Variants in MCM8 observed in about 807,000 individuals in gnomAD.
MCM8 encodes the protein DNA helicase MCM8.
A neutral mutation model predicts 98.9 loss-of-function variants in MCM8; 85 were observed. The ratio of observed to expected loss-of-function variants is 0.86; its 90% confidence interval spans 0.72 to 1.03. The LOEUF (loss-of-function observed/expected upper bound fraction) is 1.03. Ranked by LOEUF, MCM8 falls within the 50% of genes least tolerant of loss-of-function variation. MCM8 has a pLI of 0.00. For missense variants in MCM8, 951 were observed against 997.8 expected (o/e 0.95, Z 0.63); for synonymous variants, 352 against 338.6 (o/e 1.04, Z -0.44).
At position 5,951,995 on chromosome 20, in the gene MCM8, A is replaced by G. The variant is rs2088839853; in HGVS notation, c.-5-16A>G. 1.3e-6 allele frequency: 2 copies of G among 1,595,680 alleles called. No homozygotes were observed. The highest frequency in any genetic ancestry group is 1.8e-5 in the Admixed American group (1 of 55,438). On this transcript the variant is annotated splice_polypyrimidine_tract_variant and intron_variant, in intron 1 of 18. Transcript: ENST00000610722. ...TTACAGTTTTGGTGAAGACCTTTTT[A>G]ATATCTATCTTTTAGGAGAGATGAA...
At chr20:5,993,425 T>C in intron 17 of MCM8, 81 bp from the exon 18 acceptor site, 1 of 1,193,556 alleles carries the variant, frequency 8.4e-7, no homozygotes, top group Non-Finnish European at 1.1e-6. Flanking sequence ...TCCAAATTTT[T>C]CTTCTGTAAC....
chr20:5,955,893 C>T (rs1220592078), intron 5 of MCM8, among the ~76,000 whole-genome samples: 1 of 152,042 alleles, frequency 6.6e-6, no homozygotes, highest in African/African-American at 2.4e-5. Flanking sequence ...ATTCTCTTGC[C>T]TCAGCCTCCC....
chr20:5,996,608 AAAAT>A lies in MCM8; in HGVS notation c.*2221_*2224del, dbSNP rs1249306113. 1 of 152,224 alleles carries A rather than the reference AAAAT, an allele frequency of 6.6e-6. No individual in the cohort carries two copies. Among genetic ancestry groups the A allele is most frequent in the East Asian group, 1.9e-4 (1 of 5,208 alleles). The allele number at this position is 152,224 out of a possible 1,614,324, so 9.4% of individuals were successfully genotyped here. On this transcript the variant is annotated 3_prime_UTR_variant, in exon 19 of 19. Coordinates refer to ENST00000610722, the MANE Select transcript of MCM8 (RefSeq NM_032485.6). ...AGTCAACACATAAATAATATCAACC[AAAAT>A]AAAGTGGTAGACAGAAGAGAAAATA...
Position 5,982,974 on chromosome 20 carries a change from T to G in MCM8, c.1542T>G (p.Ile514Met). 1 of 1,608,580 alleles carries G rather than the reference T, an allele frequency of 6.2e-7. No individual in the cohort carries two copies. Among genetic ancestry groups the G allele is most frequent in the Non-Finnish European group, 8.5e-7 (1 of 1,178,578 alleles). Residue 514 changes from isoleucine (I) to methionine (M), a missense_variant, in exon 14 of 19, where the codon ATT (isoleucine) becomes ATG (methionine). Transcript: ENST00000610722. ...TTTATTCTACTTCGATTGTAGGTAT[T>G]TGTGGAATCGATGAATTTGATAAGA... ...AGALVLGDQGICGIDEFDKMG... is the reference protein window; with the variant it reads ...AGALVLGDQGMCGIDEFDKMG...
chr20:5,993,242 GTT>G (rs769881128), intron 17 of MCM8, among the ~76,000 whole-genome samples: 1 of 152,058 alleles, frequency 6.6e-6, no homozygotes, highest in Admixed American at 6.6e-5. Flanking sequence ...TTATATTGTA[GTT>G]TATCAATTTT....
chr20:5,971,147 A>G (rs1394301151), intron 10 of MCM8, among the ~76,000 whole-genome samples: 3 of 152,112 alleles, frequency 2.0e-5, no homozygotes, highest in African/African-American at 7.2e-5. Context: ...ACCCATTTAA[A>G]CAGACTTCCT....
intron 7 of MCM8, among the ~76,000 whole-genome samples, chr20:5,962,677 ATTTC>A (rs1259661255): frequency 6.6e-6 from 1 of 151,958 alleles, no homozygotes; most frequent in Non-Finnish European, 1.5e-5. Context: ...CCCGGCCTTC[ATTTC>A]TTAATGGAGG....
chr20:5,994,105 T>G (rs1373113019), intron 18 of MCM8, among the ~76,000 whole-genome samples, 194 bp from the exon 19 acceptor site: 1 of 152,230 alleles, frequency 6.6e-6, no homozygotes, highest in Non-Finnish European at 1.5e-5. Context: ...CATATTGGAA[T>G]TTTTACTTTT....
At position 5,963,316 on chromosome 20, in the gene MCM8, C is replaced by T. The variant is rs146490315; in HGVS notation, c.832C>T (p.Arg278Cys). 2.4e-4 allele frequency: 385 copies of T among 1,613,844 alleles called. No homozygotes were observed. Among genetic ancestry groups the T allele is most frequent in the Middle Eastern group, 9.9e-4 (6 of 6,084 alleles). ...VCRGRSFTALRSSPLTVTMDW... is the reference protein window; with the variant it reads ...VCRGRSFTALCSSPLTVTMDW... ...TCGAGGCAGGTCATTTACTGCTCTC[C>T]GCAGCTCTCCTCTCACAGTTACGAT... is the stretch of plus-strand genomic sequence containing the variant. The change falls in exon 8 of 19, where the codon CGC becomes TGC. Residue 278 changes from arginine to cysteine, a missense_variant. Transcript: ENST00000610722.
At chr20:5,954,533 T>C in intron 3 of MCM8, 75 bp from the exon 4 acceptor site, 3 of 793,852 alleles carry the variant, frequency 3.8e-6, no homozygotes, top group Non-Finnish European at 6.5e-6. Flanking sequence ...ATGTATATAG[T>C]GCTGCTTTTG....
In MCM8 at chr20:5,993,693, C is replaced by G. The variant is rs2089899203; in HGVS notation, c.2428C>G (p.Gln810Glu). Residue 810 changes from glutamine to glutamate, a missense_variant and splice_region_variant, in exon 18 of 19, where the codon CAG (glutamine) becomes GAG (glutamate). Physicochemically the swap from Gln to Glu is conservative, Grantham distance 29. Coordinates refer to ENST00000610722, the MANE Select transcript of MCM8 (RefSeq NM_032485.6). ...GCAGATTGCCAAAGAACTAAACATT[C>G]AGGTATGTTAAACTAGTTAATCTCT... The part of the protein sequence containing the change: ...LRQIAKELNI[Q>E]VADFENFIGS... 1 of 1,595,988 alleles carries G rather than the reference C, an allele frequency of 6.3e-7. No individual in the cohort carries two copies. Among genetic ancestry groups the G allele is most frequent in the Non-Finnish European group, 8.6e-7 (1 of 1,168,560 alleles).
Position 5,957,305 on chromosome 20 carries a change from T to C in MCM8, c.590+76T>C, listed in dbSNP as rs572395668. The C allele has an allele frequency of 1.5e-5, 16 of 1,079,030 alleles. No homozygotes were observed. In the African/African-American group the frequency reaches 1.6e-4, roughly 11 times the overall value. 66.8% of individuals were successfully genotyped at this position (1,079,030 alleles called of 1,614,324 possible). On this transcript the variant is annotated intron_variant, in intron 6 of 18. Transcript: ENST00000610722. ...CATTTAAGAATGAAAACGCTCATTTTATAAAAATGAGGAAATCAGTAAAAA... is the reference window on the plus strand; with the variant it reads ...CATTTAAGAATGAAAACGCTCATTTCATAAAAATGAGGAAATCAGTAAAAA...
chr20:5,987,118 C>G (rs918681348), intron 16 of MCM8, among the ~76,000 whole-genome samples, 164 bp from the exon 17 acceptor site: 2 of 152,190 alleles, frequency 1.3e-5, no homozygotes, highest in African/African-American at 2.4e-5. Flanking sequence ...TGAGCCACCA[C>G]CCCCAGCCCA....
chr20:5,994,023 ATTAAC>A (rs1165696079), intron 18 of MCM8: 2 of 353,914 alleles, frequency 5.7e-6, no homozygotes, highest in African/African-American at 4.4e-5. Flanking sequence ...ATTATGGAAA[ATTAAC>A]TTCTTAATTT....
At chr20:5,989,518 C>T (rs1303078041) in intron 17 of MCM8, among the ~76,000 whole-genome samples, 2 of 152,186 alleles carry the variant, frequency 1.3e-5, no homozygotes, top group Non-Finnish European at 2.9e-5. Flanking sequence ...AGATCTCACC[C>T]TAGATAAGAA....
intron 14 of MCM8, 124 bp downstream of exon 14, chr20:5,983,289 A>G: frequency 1.2e-6 from 1 of 816,864 alleles, no homozygotes. Context: ...ATAAATGTCC[A>G]ATAAATGCAC....
At chr20:5,973,217 T>C in intron 12 of MCM8, 21 bp downstream of exon 12, 2 of 1,609,646 alleles carry the variant, frequency 1.2e-6, no homozygotes, top group Non-Finnish European at 1.7e-6. Context: ...AGTCATTTAG[T>C]GTTTGTTCTT....
At chr20:5,984,403 A>G (rs1015084238) in intron 14 of MCM8, among the ~76,000 whole-genome samples, 14 of 152,200 alleles carry the variant, frequency 9.2e-5, no homozygotes, top group Non-Finnish European at 1.2e-4. Flanking sequence ...AGAAAGATCT[A>G]TTGAACAAAA....
At chr20:5,974,409 T>G (rs1456862190) in intron 12 of MCM8, among the ~76,000 whole-genome samples, 1 of 152,204 alleles carries the variant, frequency 6.6e-6, no homozygotes, top group East Asian at 1.9e-4. Flanking sequence ...ATTAAAGGTG[T>G]GAACCACTGT....
Sources: gnomAD v4.1 joint callset for allele counts (sites outside exome capture counted in the v4.1 genomes callset) on GRCh38, gnomAD v4.1.1 for gene constraint, MANE v1.5 for transcripts, NCBI Gene and HGNC (gene_info 2026-07-23, HGNC 2026-07-21) for gene names.